KCNIP4: variants seen among roughly 807,000 people sequenced by gnomAD.
KCNIP4 encodes Kv channel-interacting protein 4.
In KCNIP4, 12 loss-of-function variants were observed where a neutral mutation model predicts 34.0. The ratio of observed to expected loss-of-function variants is 0.35; its 90% CI spans 0.23 to 0.57. KCNIP4 has a LOEUF of 0.57. Ranked by LOEUF, KCNIP4 falls within the 20% of genes least tolerant of loss-of-function variation. The pLI, the probability that KCNIP4 is intolerant of heterozygous loss-of-function variation, is 0.83. For synonymous variants in KCNIP4, 124 were observed against 102.2 expected (o/e 1.21, Z -1.29); for missense variants, 238 against 311.7 (o/e 0.76, Z 1.78).
At chr4:20,890,202 C>CA (rs1276922034) in intron 1 of KCNIP4, among the ~76,000 whole-genome samples, 2 of 151,834 alleles carry the variant, frequency 1.3e-5, no homozygotes, top group Non-Finnish European at 2.9e-5. Context: ...ATGAGCCAGC[C>CA]AAAAAACTTC....
chr4:21,711,414 G>C (rs1383190124), intron 1 of KCNIP4, among the ~76,000 whole-genome samples: 2 of 152,148 alleles, frequency 1.3e-5, no homozygotes, highest in Admixed American at 1.3e-4. Flanking sequence ...GGAGGTTGCA[G>C]TGAACTGCAG....
At chr4:20,897,891 C>A (rs1188862291) in intron 1 of KCNIP4, among the ~76,000 whole-genome samples, 2 of 152,084 alleles carry the variant, frequency 1.3e-5, no homozygotes, top group Non-Finnish European at 2.9e-5. Context: ...TGATGGTGAA[C>A]TTTGTATGTC....
intron 1 of KCNIP4, among the ~76,000 whole-genome samples, chr4:20,957,988 T>G (rs1733483684): frequency 6.6e-6 from 1 of 152,202 alleles, no homozygotes; most frequent in Admixed American, 6.5e-5. Flanking sequence ...GAGATACTTG[T>G]GAAATGAGTC....
At chr4:21,942,081 C>T (rs1240865491) in intron 1 of KCNIP4, among the ~76,000 whole-genome samples, 1 of 152,140 alleles carries the variant, frequency 6.6e-6, no homozygotes, top group Non-Finnish European at 1.5e-5. Flanking sequence ...TTTCACTTCC[C>T]ACTTACTTCC....
intron 1 of KCNIP4, among the ~76,000 whole-genome samples, chr4:21,811,091 C>T (rs1423975973): frequency 6.6e-6 from 1 of 152,196 alleles, no homozygotes; most frequent in East Asian, 1.9e-4. Context: ...TTACCACATG[C>T]TTGACTTGAG....
chr4:21,174,018 T>C (rs556178575), intron 1 of KCNIP4, among the ~76,000 whole-genome samples: 2 of 152,258 alleles, frequency 1.3e-5, no homozygotes, highest in Non-Finnish European at 2.9e-5. Context: ...TTCCTCCTAA[T>C]GGGACACTGA....
At chr4:21,034,333 G>C (rs78105328) in intron 1 of KCNIP4, among the ~76,000 whole-genome samples, 3,771 of 152,210 alleles carry the variant, frequency 0.025, 146 homozygotes, top group African/African-American at 0.085. Flanking sequence ...AAATCAGCCT[G>C]GAGGGTTTAG....
At chr4:20,839,509 T>G (rs964497039) in intron 3 of KCNIP4, among the ~76,000 whole-genome samples, 4 of 149,016 alleles carry the variant, frequency 2.7e-5, no homozygotes, top group African/African-American at 9.8e-5. Context: ...TATATATATA[T>G]AGATAGGTTA....
At chr4:21,192,536 C>G (rs772902716) in intron 1 of KCNIP4, among the ~76,000 whole-genome samples, 2 of 152,072 alleles carry the variant, frequency 1.3e-5, no homozygotes, top group Non-Finnish European at 2.9e-5. Flanking sequence ...AATCACTCTC[C>G]AGTTTTCTCA....
intron 1 of KCNIP4, among the ~76,000 whole-genome samples, chr4:21,073,657 G>A (rs1297675985): frequency 6.6e-6 from 1 of 152,118 alleles, no homozygotes; most frequent in African/African-American, 2.4e-5. Context: ...GCCCTGCCCA[G>A]AACTTCCAAC....
rs147762110 is a variant in KCNIP4 at position 21,092,984 on chromosome 4, C to T, written c.62-210275G>A. 3.8e-3 allele frequency among the ~76,000 whole-genome samples: 578 copies of T among 152,310 alleles called. 3 individuals carry two copies. Among genetic ancestry groups the T allele is most frequent in the African/African-American group, 0.013 (558 of 41,556 alleles). On this transcript the variant is annotated intron_variant, in intron 1 of 8. Coordinates refer to ENST00000382152, the MANE Select transcript of KCNIP4 (RefSeq NM_025221.6). ...AAGGCATACAAGTACTTTGCAACTA[C>T]GAAACACCTCTAAAAAACTAACGGC...
chr4:21,023,132 T>A (rs80053914), intron 1 of KCNIP4, among the ~76,000 whole-genome samples: 1 of 152,176 alleles, frequency 6.6e-6, no homozygotes, highest in African/African-American at 2.4e-5. Context: ...AAAATTTGAA[T>A]AAGAAAATGA....
At chr4:21,056,263 T>C (rs1202447709) in intron 1 of KCNIP4, among the ~76,000 whole-genome samples, 1 of 152,118 alleles carries the variant, frequency 6.6e-6, no homozygotes, top group Non-Finnish European at 1.5e-5. Context: ...AACTATTCTG[T>C]ATCTACAAAA....
chr4:21,085,459 A>G (rs1378180660), intron 1 of KCNIP4, among the ~76,000 whole-genome samples: 1 of 152,144 alleles, frequency 6.6e-6, no homozygotes, highest in Non-Finnish European at 1.5e-5. Context: ...TCCTCTCTCT[A>G]TACTGAAGTC....
At chr4:21,267,274 G>A (rs1295957083) in intron 1 of KCNIP4, among the ~76,000 whole-genome samples, 2 of 152,030 alleles carry the variant, frequency 1.3e-5, no homozygotes. Flanking sequence ...AGTGCATTAA[G>A]CTGCCTTTTA....
chr4:21,148,522 T>C (rs1199397277), intron 1 of KCNIP4, among the ~76,000 whole-genome samples: 1 of 152,174 alleles, frequency 6.6e-6, no homozygotes, highest in African/African-American at 2.4e-5. Flanking sequence ...TGACATATAA[T>C]ACCTTTACCA....
chr4:21,460,422 A>G (rs1421657404), intron 1 of KCNIP4, among the ~76,000 whole-genome samples: 1 of 152,054 alleles, frequency 6.6e-6, no homozygotes, highest in Non-Finnish European at 1.5e-5. Flanking sequence ...CTTAGCTCAG[A>G]TTGCCATACC....
chr4:20,756,172 T>TA (rs61417409), intron 4 of KCNIP4, among the ~76,000 whole-genome samples: 3,133 of 139,138 alleles, frequency 0.023, 56 homozygotes, highest in South Asian at 0.064. Context: ...TGGAAAGTAG[T>TA]AAAAAAAAAA....
At chr4:21,837,773 A>T (rs1723442033) in intron 1 of KCNIP4, among the ~76,000 whole-genome samples, 1 of 152,136 alleles carries the variant, frequency 6.6e-6, no homozygotes. Context: ...AAAGACAGAA[A>T]GAAAATTTTA....
Sources: allele counts gnomAD v4.1 joint callset (sites outside exome capture counted in the v4.1 genomes callset), GRCh38; gene constraint gnomAD v4.1.1; transcripts MANE v1.5; gene names NCBI Gene and HGNC (gene_info 2026-07-23, HGNC 2026-07-21).